The following PHF2 variants were observed in gnomAD, a reference collection of about 807,000 sequenced individuals.
The protein encoded by PHF2 is PHD finger protein 2.
A neutral mutation model predicts 120.5 loss-of-function variants in PHF2; 27 were observed. The ratio of observed to expected loss-of-function variants is 0.22; its 90% CI spans 0.17 to 0.31. The LOEUF is 0.31. Among genes scored for constraint, PHF2 ranks in the 10% least tolerant of loss-of-function variants. PHF2 has a pLI of 1.00. For missense variants in PHF2, 1,024 were observed against 1,434.8 expected (o/e 0.71, Z 4.63); for synonymous variants, 568 against 592.5 (o/e 0.96, Z 0.60).
intron 14 of PHF2, 93 bp from the exon 15 acceptor site, chr9:93,665,593 C>G (rs577856258): frequency 7.2e-7 from 1 of 1,391,836 alleles, no homozygotes; most frequent in Middle Eastern, 2.6e-4. Context: ...GCCATCCTGC[C>G]GCGGCCCTGG....
At chr9:93,652,157 G>C (rs535598834) in intron 5 of PHF2, among the ~76,000 whole-genome samples, 1 of 152,164 alleles carries the variant, frequency 6.6e-6, no homozygotes, top group South Asian at 2.1e-4. Context: ...TGGCCTTCGA[G>C]TAGAGACAAC....
At chr9:93,665,204 A>T (rs906648827) in intron 14 of PHF2, among the ~76,000 whole-genome samples, 1 of 152,208 alleles carries the variant, frequency 6.6e-6, no homozygotes, top group Non-Finnish European at 1.5e-5. Context: ...GAAAAAAACC[A>T]GGAAACTTGG....
At chr9:93,616,836 A>G (rs1191051540) in intron 1 of PHF2, among the ~76,000 whole-genome samples, 2 of 151,940 alleles carry the variant, frequency 1.3e-5, no homozygotes, top group Non-Finnish European at 1.5e-5. Flanking sequence ...TTGCATTTTT[A>G]GTAGAGACGG....
Position 93,602,247 on chromosome 9 carries a change from C to CTTTTTTTTT in PHF2, c.98+25391_98+25399dup, listed in dbSNP as rs67001312. Among the ~76,000 whole-genome samples the CTTTTTTTTT allele has an allele frequency of 1.2e-3, 99 of 79,668 alleles. 9 individuals carry two copies. Among genetic ancestry groups the CTTTTTTTTT allele is most frequent in the Admixed American group, 2.1e-3 (11 of 5,204 alleles). The allele number at this position is 79,668 out of a possible 152,430, so 52.3% of individuals were successfully genotyped here. On this transcript the variant is annotated intron_variant, in intron 1 of 21. Transcript: ENST00000359246. ...AAGTCATTTTGCATTCCTAGAGATT[C>CTTTTTTTTT]TTTTTTTTTTTTTTTTTTTTTTTGA...
At chr9:93,663,115 A>G (rs1826608465) in intron 13 of PHF2, 89 bp downstream of exon 13, 12 of 1,543,094 alleles carry the variant, frequency 7.8e-6, no homozygotes, top group Non-Finnish European at 1.1e-5. Flanking sequence ...GTGTGTGTGA[A>G]GGAATGTGCA....
intron 6 of PHF2, among the ~76,000 whole-genome samples, chr9:93,654,035 C>G (rs1826415143): frequency 6.6e-6 from 1 of 152,126 alleles, no homozygotes; most frequent in African/African-American, 2.4e-5. Context: ...CTGGGGCCTG[C>G]CATAAGACTG....
Position 93,665,686 on chromosome 9 carries a change from C to T in PHF2, c.1938C>T (p.Gly646=), listed in dbSNP as rs747556449. The T allele has an allele frequency of 6.2e-7, 1 of 1,613,512 alleles. No individual in the cohort carries two copies. The highest frequency in any genetic ancestry group is 1.1e-5 in the South Asian group (1 of 91,074). ...GCTGACCCACTCGCTTCTGCCCTAG[C>T]TCCAAGGCTCTCAGGCCCCCGACGA... The part of the protein sequence containing the change: ...SFSFSNKKLL[G]SKALRPPTSP... The change falls in exon 15 of 22, where the codon GGC becomes GGT. Residue 646 remains glycine, a splice_region_variant and synonymous_variant. Coordinates refer to ENST00000359246, the MANE Select transcript of PHF2 (RefSeq NM_005392.4).
chr9:93,661,499 A>G (rs1003461644), intron 12 of PHF2, among the ~76,000 whole-genome samples: 5 of 152,192 alleles, frequency 3.3e-5, no homozygotes, highest in East Asian at 1.9e-4. Context: ...GGATAGATGG[A>G]TGGTTGAATG....
intron 1 of PHF2, among the ~76,000 whole-genome samples, chr9:93,597,744 G>C (rs1240101217): frequency 2.6e-5 from 4 of 152,172 alleles, no homozygotes; most frequent in Non-Finnish European, 5.9e-5. Context: ...TCACCTTGCT[G>C]CTGAGCACCT....
chr9:93,657,071 G>A (rs1017218508), intron 9 of PHF2, among the ~76,000 whole-genome samples: 4 of 152,250 alleles, frequency 2.6e-5, no homozygotes, highest in South Asian at 2.1e-4. Flanking sequence ...TCCCCGGGCC[G>A]CCCTTTTCTG....
chr9:93,602,182 TC>T (rs777287947), intron 1 of PHF2, among the ~76,000 whole-genome samples: 3 of 151,976 alleles, frequency 2.0e-5, no homozygotes, highest in Non-Finnish European at 4.4e-5. Flanking sequence ...TGTAAATTCT[TC>T]GTTGAGTATG....
At chr9:93,602,284 GCT>G (rs1453757443) in intron 1 of PHF2, among the ~76,000 whole-genome samples, 1 of 97,578 alleles carries the variant, frequency 1.0e-5, no homozygotes, top group African/African-American at 4.2e-5. Flanking sequence ...ATGGAATCTT[GCT>G]CTGTCACCCA....
chr9:93,619,752 T>C (rs1223867542), intron 1 of PHF2, among the ~76,000 whole-genome samples: 1 of 152,210 alleles, frequency 6.6e-6, no homozygotes, highest in Non-Finnish European at 1.5e-5. Flanking sequence ...GCCAACAAGC[T>C]TCTGTTGTCG....
At position 93,677,853 on chromosome 9, in the gene PHF2, C is replaced by G. The variant is rs1170668366; in HGVS notation, c.*177C>G. On this transcript the variant is annotated 3_prime_UTR_variant, in exon 22 of 22. Transcript: ENST00000359246. The surrounding 1 kb of genome is among the most constrained non-coding windows in gnomAD (Gnocchi z 4.4). ...CCGGCAGAGCGAGCCCAGCGTGGCC[C>G]CTCAATTTGAAAATGGACGTCTTTT... 3.4e-6 allele frequency: 2 copies of G among 585,642 alleles called. No homozygotes were observed. Among genetic ancestry groups the G allele is most frequent in the South Asian group, 2.2e-5 (1 of 46,042 alleles). 36.3% of individuals were successfully genotyped at this position (585,642 alleles called of 1,614,324 possible).
rs115255541 is a variant in PHF2, at chr9:93,659,307, G to A, written c.1240-204G>A. ...GCTGGTGGTGGCCTCAGGCAAGCTT[G>A]TCCTCTCTGGTACTTGGTTTGTCCA... On this transcript the variant is annotated intron_variant, in intron 10 of 21. Coordinates refer to ENST00000359246, the MANE Select transcript of PHF2 (RefSeq NM_005392.4). 5.4e-3 allele frequency among the ~76,000 whole-genome samples: 827 copies of A among 152,358 alleles called. 12 individuals are homozygous for A. The highest frequency in any genetic ancestry group is 0.019 in the African/African-American group (805 of 41,594).
intron 1 of PHF2, among the ~76,000 whole-genome samples, chr9:93,584,403 T>C (rs929255486): frequency 3.3e-5 from 5 of 152,240 alleles, no homozygotes; most frequent in African/African-American, 1.2e-4. Context: ...TTTTGATCCA[T>C]CTTCTGTTTA....
At chr9:93,670,557 C>A (rs548698964) in intron 17 of PHF2, among the ~76,000 whole-genome samples, 3 of 152,026 alleles carry the variant, frequency 2.0e-5, no homozygotes, top group Admixed American at 1.3e-4. Context: ...GGGTTGTGGG[C>A]GGTGGGGCAG....
At chr9:93,601,700 C>G (rs1348024641) in intron 1 of PHF2, among the ~76,000 whole-genome samples, 3 of 151,898 alleles carry the variant, frequency 2.0e-5, no homozygotes, top group Non-Finnish European at 4.4e-5. Context: ...GTGCAGAGCC[C>G]CTATGAATCT....
intron 4 of PHF2, among the ~76,000 whole-genome samples, chr9:93,648,117 T>TTGG (rs55725031): frequency 0.65 from 97,975 of 151,588 alleles, 32,138 homozygotes; most frequent in African/African-American, 0.69. Flanking sequence ...CACATTGCAT[T>TTGG]TTTTTATATC....
Sources: gnomAD v4.1 joint callset for allele counts (sites outside exome capture counted in the v4.1 genomes callset) on GRCh38, gnomAD v4.1.1 for gene constraint, Gnocchi (gnomAD v3.1) non-coding constraint, MANE v1.5 for transcripts, NCBI Gene and HGNC (gene_info 2026-07-23, HGNC 2026-07-21) for gene names.